The following FYB1 variants were observed in gnomAD, a reference collection of about 807,000 sequenced individuals.
FYB1 encodes FYN binding protein 1, also known as FYN-binding protein 1.
In FYB1, 41 loss-of-function variants were observed where a neutral mutation model predicts 94.1. The ratio of observed to expected loss-of-function variants is 0.44; its 90% CI spans 0.34 to 0.57. FYB1 has a LOEUF of 0.57. Ranked by LOEUF, FYB1 falls within the 20% of genes least tolerant of loss-of-function variation. The probability of loss-of-function intolerance (pLI) is 0.02; values close to 1 mark genes in which losing one functional copy is unlikely to be tolerated. For synonymous variants in FYB1, 367 were observed against 353.2 expected, an observed-to-expected ratio of 1.04 and a Z score of -0.44; for missense variants, 1,050 against 976.8, an observed-to-expected ratio of 1.07 and a Z score of -1.00.
At chr5:39,188,111 G>A (rs1279275850) in intron 2 of FYB1, among the ~76,000 whole-genome samples, 1 of 152,134 alleles carries the variant, frequency 6.6e-6, no homozygotes. Context: ...TGAAGTTGCT[G>A]CAGCCCTCCA....
intron 5 of FYB1, 109 bp downstream of exon 5, chr5:39,139,124 C>T: frequency 9.0e-7 from 1 of 1,116,292 alleles, no homozygotes; most frequent in Non-Finnish European, 1.2e-6. Context: ...AATATCATTG[C>T]TCATAAGGAT....
In FYB1 at chr5:39,202,263, G is replaced by T. The variant is rs1435098886; in HGVS notation, c.698C>A (p.Ser233Tyr). 5 of 1,613,750 alleles carry T rather than the reference G, an allele frequency of 3.1e-6. No individual in the cohort carries two copies. Among genetic ancestry groups the T allele is most frequent in the Non-Finnish European group, 4.2e-6 (5 of 1,179,896 alleles). The stretch of plus-strand genomic sequence containing the variant: ...TGCTGGTTTTAAAGGGCCGCTTTTG[G>T]ACCTGACTCCCAGGGGAGCTGGGGA... ...KGSPAPLGVR[S>Y]KSGPLKPARE... The change falls in exon 2 of 19, where the codon TCC (serine) becomes TAC (tyrosine). Residue 233 changes from serine (S) to tyrosine (Y), a missense_variant. By Grantham distance (144) the Ser-to-Tyr change is moderately radical. Coordinates refer to ENST00000512982, the MANE Select transcript of FYB1 (RefSeq NM_001465.6).
intron 2 of FYB1, among the ~76,000 whole-genome samples, chr5:39,166,649 G>A (rs1744766973): frequency 6.6e-6 from 1 of 152,120 alleles, no homozygotes; most frequent in Non-Finnish European, 1.5e-5. Flanking sequence ...TATGTCTTCT[G>A]CAGTAACATG....
chr5:39,271,765 A>G (rs910101608), intron 1 of FYB1, among the ~76,000 whole-genome samples: 9 of 152,256 alleles, frequency 5.9e-5, no homozygotes, highest in East Asian at 3.8e-4. Context: ...AAAACTTTAC[A>G]TATTATAAAG....
intron 1 of FYB1, among the ~76,000 whole-genome samples, chr5:39,213,688 T>C (rs899158690): frequency 6.6e-6 from 1 of 152,022 alleles, no homozygotes; most frequent in Non-Finnish European, 1.5e-5. Context: ...GGGGGTGAGG[T>C]GTTTAGGTAG....
chr5:39,165,757 C>T (rs759985338), intron 2 of FYB1, among the ~76,000 whole-genome samples: 1 of 152,174 alleles, frequency 6.6e-6, no homozygotes, highest in Non-Finnish European at 1.5e-5. Context: ...GGACTCATAT[C>T]CAGAATCTAC....
chr5:39,198,036 TGGTGATAAAATTTTAATGCTAATAAA>T (rs1747984913), intron 2 of FYB1, among the ~76,000 whole-genome samples: 1 of 152,162 alleles, frequency 6.6e-6, no homozygotes, highest in Non-Finnish European at 1.5e-5. Context: ...ATCATGGGGC[TGGTGATAAAATTTTAATGCTAATAAA>T]AGTAATAAAA....
chr5:39,180,136 C>T (rs1214228310), intron 2 of FYB1, among the ~76,000 whole-genome samples: 3 of 152,200 alleles, frequency 2.0e-5, no homozygotes, highest in Non-Finnish European at 4.4e-5. Flanking sequence ...CAATACCTAG[C>T]ACATGGTTGG....
At chr5:39,142,428 A>G (rs889430014) in intron 3 of FYB1, among the ~76,000 whole-genome samples, 1 of 151,254 alleles carries the variant, frequency 6.6e-6, no homozygotes, top group Non-Finnish European at 1.5e-5. Context: ...CCTTCTCTCT[A>G]CTCTCTGCAC....
intron 16 of FYB1, among the ~76,000 whole-genome samples, chr5:39,117,045 G>A (rs1739638874): frequency 6.6e-6 from 1 of 151,934 alleles, no homozygotes; most frequent in Admixed American, 6.6e-5. Flanking sequence ...CCTGGAGAGA[G>A]GTCTGTATGA....
At chr5:39,129,046 G>A (rs765036740) in intron 10 of FYB1, among the ~76,000 whole-genome samples, 1 of 151,984 alleles carries the variant, frequency 6.6e-6, no homozygotes, top group Non-Finnish European at 1.5e-5. Context: ...GAATAAAGCT[G>A]GAAGCATCAC....
At chr5:39,249,803 T>C (rs1751639562) in intron 1 of FYB1, among the ~76,000 whole-genome samples, 1 of 152,200 alleles carries the variant, frequency 6.6e-6, no homozygotes, top group African/African-American at 2.4e-5. Context: ...TGGTGAAAGA[T>C]GGTGACTTCA....
At chr5:39,182,303 G>A (rs1417757789) in intron 2 of FYB1, among the ~76,000 whole-genome samples, 1 of 3,050 alleles carries the variant, frequency 3.3e-4, no homozygotes, top group Non-Finnish European at 4.4e-3. Flanking sequence ...GTGTGTGTGT[G>A]TGTGTGTGTG....
intron 3 of FYB1, among the ~76,000 whole-genome samples, chr5:39,150,352 T>C (rs1291893895): frequency 6.6e-6 from 1 of 152,232 alleles, no homozygotes; most frequent in African/African-American, 2.4e-5. Context: ...TATTGTTCTA[T>C]CTCCCTGTAC....
Position 39,207,761 on chromosome 5 carries a change from T to G in FYB1, c.-27-4774A>C, listed in dbSNP as rs1463983745. ...TTGGATATTATGCTAATCTACTGGT[T>G]CTTAACTGGGGTGTGGGGGTGGGCC... On this transcript the variant is annotated intron_variant, in intron 1 of 18. Coordinates refer to ENST00000512982, the MANE Select transcript of FYB1 (RefSeq NM_001465.6). Among the ~76,000 whole-genome samples, 5 of 152,076 alleles carry G rather than the reference T, an allele frequency of 3.3e-5. No individual in the cohort carries two copies. The East Asian group carries it at 9.6e-4, about 29-fold the overall frequency.
chr5:39,122,944 T>C (rs954072990), intron 13 of FYB1, among the ~76,000 whole-genome samples: 2 of 152,168 alleles, frequency 1.3e-5, no homozygotes, highest in African/African-American at 4.8e-5. Context: ...GATTATTTCT[T>C]TTAATTAAAT....
chr5:39,131,032 CCACAG>C (rs1278693212), intron 9 of FYB1, among the ~76,000 whole-genome samples: 1 of 152,030 alleles, frequency 6.6e-6, no homozygotes, highest in African/African-American at 2.4e-5. Flanking sequence ...TATCTTTTGA[CCACAG>C]CATTTTACTC....
intron 1 of FYB1, chr5:39,270,838 T>C (rs1752643778): frequency 2.5e-6 from 1 of 402,040 alleles, no homozygotes; most frequent in South Asian, 8.8e-5. Context: ...ACTGAAAAAT[T>C]GACACAAAAT....
intron 2 of FYB1, among the ~76,000 whole-genome samples, chr5:39,175,937 C>G (rs1305541595): frequency 6.6e-6 from 1 of 151,970 alleles, no homozygotes; most frequent in East Asian, 1.9e-4. Flanking sequence ...TCCCAGACAT[C>G]AGTGACATTC....
Sources: allele counts gnomAD v4.1 joint callset (sites outside exome capture counted in the v4.1 genomes callset), GRCh38; gene constraint gnomAD v4.1.1; transcripts MANE v1.5; gene names NCBI Gene and HGNC (gene_info 2026-07-23, HGNC 2026-07-21).